CROCC2: variants seen among roughly 807,000 people sequenced by gnomAD.
CROCC2 encodes ciliary rootlet coiled-coil, rootletin family member 2, also known as ciliary rootlet coiled-coil protein 2.
Under a neutral mutation model 177.6 loss-of-function variants are expected in CROCC2, and 163 were observed. The ratio of observed to expected loss-of-function variants is 0.92; its 90% CI spans 0.81 to 1.05. The LOEUF is 1.05. CROCC2 is among the 50% of genes least tolerant of loss of function. The pLI is 0.00. For missense variants in CROCC2, 1,929 were observed against 1,797.8 expected, an observed-to-expected ratio of 1.07 and a Z score of -1.32; for synonymous variants, 904 against 787.3, an observed-to-expected ratio of 1.15 and a Z score of -2.48.
At chr2:240,969,520 G>A (rs935175368) in intron 27 of CROCC2, among the ~76,000 whole-genome samples, 3 of 152,234 alleles carry the variant, frequency 2.0e-5, no homozygotes, top group Admixed American at 1.3e-4. Context: ...GACTAGAGAC[G>A]TCTGTGGAAA....
chr2:240,914,455 G>A (rs2059306189), intron 1 of CROCC2, among the ~76,000 whole-genome samples: 1 of 152,208 alleles, frequency 6.6e-6, no homozygotes, highest in Non-Finnish European at 1.5e-5. Flanking sequence ...ACTGAGCACT[G>A]GTCCGAGATG....
At position 240,973,313 on chromosome 2, in the gene CROCC2, C is replaced by T. The variant is rs912568632; in HGVS notation, c.4401+5051C>T. Among the ~76,000 whole-genome samples, 11 of 152,184 alleles carry T rather than the reference C, an allele frequency of 7.2e-5. No homozygotes were observed. The highest frequency in any genetic ancestry group is 2.7e-4 in the African/African-American group (11 of 41,444). Reference sequence around the variant, plus strand: ...GCCGTGCAGGACCAGCCCGTGGTGTCAGGACACGCACGGAACGCAGCAGCA... The same window carrying T: ...GCCGTGCAGGACCAGCCCGTGGTGTTAGGACACGCACGGAACGCAGCAGCA... On this transcript the variant is annotated intron_variant, in intron 27 of 31. Transcript: ENST00000690015. The surrounding 1 kb of genome is among the most constrained non-coding windows in gnomAD (Gnocchi z 4.7).
intron 15 of CROCC2, among the ~76,000 whole-genome samples, chr2:240,946,582 T>C (rs1268359201): frequency 1.3e-5 from 2 of 152,222 alleles, no homozygotes; most frequent in African/African-American, 4.8e-5. Context: ...ACTTCAGGTA[T>C]GGCTGGATTC....
chr2:240,916,662 C>T (rs1380376838), intron 1 of CROCC2, among the ~76,000 whole-genome samples: 1 of 152,100 alleles, frequency 6.6e-6, no homozygotes, highest in Admixed American at 6.5e-5. Context: ...AATAAGTGAC[C>T]CTCTGTAAAT....
chr2:240,922,660 G>C lies in CROCC2; in HGVS notation c.488+15G>C, dbSNP rs907479007. The C allele has an allele frequency of 1.7e-6, 1 of 594,404 alleles. No individual in the cohort carries two copies. Among genetic ancestry groups the C allele is most frequent in the African/African-American group, 1.9e-5 (1 of 52,470 alleles). The allele number at this position is 594,404 out of a possible 1,614,324, so 36.8% of individuals were successfully genotyped here. On this transcript the variant is annotated intron_variant, in intron 4 of 31. Transcript: ENST00000690015. ...GCCGAGGAGAGGTGAGGCCAGGTGC[G>C]GGGCAGTCAGGGCTGCAGGAAGCAC...
chr2:240,968,274 G>T lies in CROCC2; in HGVS notation c.4401+12G>T. On this transcript the variant is annotated intron_variant, in intron 27 of 31. Transcript: ENST00000690015. The stretch of plus-strand genomic sequence containing the variant: ...AGCGGCGGCTGCAGGTGGGGCAGGC[G>T]GCAGGGTGGGTCCCAGGTGGGGCAC... 2 of 1,522,816 alleles carry T rather than the reference G, an allele frequency of 1.3e-6. No individual in the cohort carries two copies. The highest frequency in any genetic ancestry group is 1.4e-5 in the African/African-American group (1 of 72,774). 94.3% of individuals were successfully genotyped at this position (1,522,816 alleles called of 1,614,324 possible). A position where few individuals can be genotyped will look rare whatever the true frequency, so the allele number is the denominator to read the frequency against.
At chr2:240,954,329 G>A (rs906218979) in intron 18 of CROCC2, among the ~76,000 whole-genome samples, 10 of 152,202 alleles carry the variant, frequency 6.6e-5, no homozygotes, top group South Asian at 2.1e-4. Context: ...CCACAAGTCC[G>A]GGGGTCTCCA....
At chr2:240,943,745 G>A (rs1337839306) in intron 14 of CROCC2, among the ~76,000 whole-genome samples, 1 of 152,098 alleles carries the variant, frequency 6.6e-6, no homozygotes, top group African/African-American at 2.4e-5. Flanking sequence ...CTCCCTAAGT[G>A]CTGGGATTAC....
intron 14 of CROCC2, among the ~76,000 whole-genome samples, chr2:240,944,701 G>A (rs1021976738): frequency 2.0e-5 from 3 of 151,898 alleles, no homozygotes; most frequent in South Asian, 2.1e-4. Context: ...TCTTGAACAC[G>A]TGAATCAGCT....
intron 31 of CROCC2, among the ~76,000 whole-genome samples, chr2:240,991,489 G>A (rs888138281): frequency 2.0e-5 from 3 of 152,348 alleles, no homozygotes; most frequent in South Asian, 2.1e-4. Flanking sequence ...GGCAGCCACC[G>A]CCCGGGCCAC....
Position 240,961,431 on chromosome 2 carries a change from G to A in CROCC2, c.3087+1987G>A, listed in dbSNP as rs530540205. On this transcript the variant is annotated intron_variant, in intron 20 of 31. Coordinates refer to ENST00000690015, the MANE Select transcript of CROCC2 (RefSeq NM_001351305.2). ...ACGTGCACCAAGCACACACACGCAT[G>A]TGTGCGCACACATGCACATACGTAG... is the stretch of plus-strand genomic sequence containing the variant. Among the ~76,000 whole-genome samples, 610 of 151,676 alleles carry A rather than the reference G, an allele frequency of 4.0e-3. 3 individuals carry two copies. The highest frequency in any genetic ancestry group is 6.9e-3 in the Non-Finnish European group (471 of 67,882).
chr2:240,912,923 C>T (rs781194567), intron 1 of CROCC2, among the ~76,000 whole-genome samples: 1 of 152,190 alleles, frequency 6.6e-6, no homozygotes, highest in Non-Finnish European at 1.5e-5. Flanking sequence ...GGGACAGGAG[C>T]GGTGGATGGT....
rs777686771 is a variant in CROCC2 at position 240,931,147 on chromosome 2, C to G, written c.947+19C>G. ...AGGCCAGGTGGGCGCCCAGGGCCAGCAAGCTTGCACAGGGAGGGCCCGGGG... is the reference window on the plus strand; with the variant it reads ...AGGCCAGGTGGGCGCCCAGGGCCAGGAAGCTTGCACAGGGAGGGCCCGGGG... On this transcript the variant is annotated intron_variant, in intron 7 of 31. Transcript: ENST00000690015. The G allele has an allele frequency of 4.3e-5, 30 of 701,668 alleles. No homozygotes were observed. The African/African-American group carries it at 4.8e-4, about 11-fold the overall frequency. The allele number at this position is 701,668 out of a possible 1,614,324, so 43.5% of individuals were successfully genotyped here.
chr2:240,961,865 C>G (rs1190420739), intron 20 of CROCC2, among the ~76,000 whole-genome samples: 1 of 27,754 alleles, frequency 3.6e-5, no homozygotes, highest in Non-Finnish European at 1.1e-4. Flanking sequence ...CGCACACACT[C>G]ATCACACATG....
chr2:240,984,081 T>C (rs2059819967), intron 28 of CROCC2, among the ~76,000 whole-genome samples: 1 of 151,932 alleles, frequency 6.6e-6, no homozygotes, highest in South Asian at 2.1e-4. Context: ...GGTCAAGGGG[T>C]GAAGTGACGG....
chr2:240,930,779 G>A (rs1391202537), intron 6 of CROCC2, among the ~76,000 whole-genome samples, 152 bp from the exon 7 acceptor site: 3 of 152,154 alleles, frequency 2.0e-5, no homozygotes, highest in Non-Finnish European at 2.9e-5. Context: ...CCTTCCTGGT[G>A]TTTGGTGACA....
rs562301282 is a variant in CROCC2, at chr2:240,974,570, A to G, written c.4401+6308A>G. Among the ~76,000 whole-genome samples the G allele has an allele frequency of 2.2e-5, 3 of 133,714 alleles. No individual in the cohort carries two copies. The South Asian group carries it at 6.8e-4, about 30-fold the overall frequency. 87.7% of individuals were successfully genotyped at this position (133,714 alleles called of 152,430 possible). ...TTTTTTGTAGAGATGGTGTTAAACC[A>G]TGTTGCCTAGGCTAGTCTCAAACTC... On this transcript the variant is annotated intron_variant, in intron 27 of 31. Coordinates refer to ENST00000690015, the MANE Select transcript of CROCC2 (RefSeq NM_001351305.2).
At chr2:240,926,609 C>T (rs568997691) in intron 5 of CROCC2, among the ~76,000 whole-genome samples, 111 of 152,228 alleles carry the variant, frequency 7.3e-4, no homozygotes, top group African/African-American at 2.6e-3. Flanking sequence ...AGATGTGCTG[C>T]GCCAGGTGGA....
chr2:240,958,775 G>A lies in CROCC2; in HGVS notation c.2944-526G>A, dbSNP rs1188256293. On this transcript the variant is annotated intron_variant, in intron 19 of 31. Coordinates refer to ENST00000690015, the MANE Select transcript of CROCC2 (RefSeq NM_001351305.2). This position sits in a 1 kb window ranked among gnomAD's most constrained non-coding sequence, Gnocchi z 6.7. ...GCAGTGGGGAGGGCCTTGAGAGGAA[G>A]CGGGGTGGTGTCCCGAGGGGCCTGG... 6.6e-6 allele frequency among the ~76,000 whole-genome samples: 1 copy of A among 152,202 alleles called. No homozygotes were observed. The highest frequency in any genetic ancestry group is 6.5e-5 in the Admixed American group (1 of 15,292).
Sources: allele counts gnomAD v4.1 joint callset (sites outside exome capture counted in the v4.1 genomes callset), GRCh38; gene constraint gnomAD v4.1.1; non-coding constraint Gnocchi (gnomAD v3.1); transcripts MANE v1.5; gene names NCBI Gene and HGNC (gene_info 2026-07-23, HGNC 2026-07-21).